Variants in RAB11FIP4 observed in about 807,000 individuals in gnomAD.
The protein encoded by RAB11FIP4 is RAB11 family interacting protein 4.
A neutral mutation model predicts 74.3 loss-of-function variants in RAB11FIP4; 23 were observed. That is an observed-to-expected ratio of 0.31 (90% CI 0.22 to 0.44). RAB11FIP4 has a LOEUF of 0.44. Ranked by LOEUF, RAB11FIP4 falls within the 20% of genes least tolerant of loss-of-function variation. RAB11FIP4 has a pLI of 1.00. For missense variants in RAB11FIP4, 630 were observed against 863.9 expected (o/e 0.73, Z 3.39); for synonymous variants, 360 against 359.9 (o/e 1.00, Z 0.00).
intron 2 of RAB11FIP4, among the ~76,000 whole-genome samples, chr17:31,432,519 C>T (rs1157670460): frequency 6.6e-6 from 1 of 152,106 alleles, no homozygotes; most frequent in African/African-American, 2.4e-5. Flanking sequence ...ACCACCATGC[C>T]TGGCTAATTT....
chr17:31,528,848 G>A lies in RAB11FIP4; in HGVS notation c.1653+70G>A, dbSNP rs1003890483. The stretch of plus-strand genomic sequence containing the variant: ...CCCACCACGTGGGTTTCCTGTGCAG[G>A]ATCTGTGGTAGGGGAGCCCAGAGCT... On this transcript the variant is annotated intron_variant, in intron 13 of 14. Coordinates refer to ENST00000621161, the MANE Select transcript of RAB11FIP4 (RefSeq NM_032932.6). The A allele has an allele frequency of 9.2e-6, 14 of 1,520,736 alleles. No individual in the cohort carries two copies. In the Admixed American group the frequency reaches 1.8e-4, roughly 20 times the overall value. 94.2% of individuals were successfully genotyped at this position (1,520,736 alleles called of 1,614,324 possible).
Position 31,501,664 on chromosome 17 carries a change from G to A in RAB11FIP4, c.337-15987G>A, listed in dbSNP as rs556719026. On this transcript the variant is annotated intron_variant, in intron 3 of 14. Coordinates refer to ENST00000621161, the MANE Select transcript of RAB11FIP4 (RefSeq NM_032932.6). ...CTGCCTCAGCCTCCCAAGTAGCTGG[G>A]ACTACAGGCGCCCGCCACCACGCCC... 406 of 153,882 alleles carry A rather than the reference G, an allele frequency of 2.6e-3. 2 individuals are homozygous for A. Among genetic ancestry groups the A allele is most frequent in the African/African-American group, 9.0e-3 (376 of 41,552 alleles). 9.5% of individuals were successfully genotyped at this position (153,882 alleles called of 1,614,324 possible). A position where few individuals can be genotyped will look rare whatever the true frequency, so the allele number is the denominator to read the frequency against.
At chr17:31,428,160 G>C (rs1052068297) in intron 1 of RAB11FIP4, among the ~76,000 whole-genome samples, 1 of 152,230 alleles carries the variant, frequency 6.6e-6, no homozygotes, top group African/African-American at 2.4e-5. Flanking sequence ...GATGGTTAGG[G>C]TGGGGCCTCT....
In RAB11FIP4 at chr17:31,504,227, T is replaced by C. The variant is rs1286697503; in HGVS notation, c.337-13424T>C. Among the ~76,000 whole-genome samples the C allele has an allele frequency of 3.4e-5, 5 of 147,898 alleles. 1 individual carries two copies. The highest frequency in any genetic ancestry group is 1.1e-4 in the African/African-American group (4 of 37,596). ...CTCACTGCAAGCTCTGCCTCCTGGG[T>C]TCACGCCATTCCCCTGCCACAGCCT... On this transcript the variant is annotated intron_variant, in intron 3 of 14. Coordinates refer to ENST00000621161, the MANE Select transcript of RAB11FIP4 (RefSeq NM_032932.6).
At chr17:31,517,315 GT>G (rs1193069682) in intron 3 of RAB11FIP4, among the ~76,000 whole-genome samples, 2 of 151,710 alleles carry the variant, frequency 1.3e-5, no homozygotes, top group Non-Finnish European at 2.9e-5. Flanking sequence ...TCAGCCTTAT[GT>G]TCCCTGCCTC....
intron 5 of RAB11FIP4, 54 bp from the exon 6 acceptor site, chr17:31,521,861 G>T: frequency 6.2e-7 from 1 of 1,607,294 alleles, no homozygotes; most frequent in South Asian, 1.1e-5. Context: ...GGGTGGTGTA[G>T]GGCACCAGAC....
At chr17:31,462,001 C>T (rs539837915) in intron 3 of RAB11FIP4, among the ~76,000 whole-genome samples, 3 of 152,212 alleles carry the variant, frequency 2.0e-5, no homozygotes, top group East Asian at 3.9e-4. Flanking sequence ...GTGGCTCATG[C>T]CTGTAATCCC....
At chr17:31,392,212 C>T in intron 1 of RAB11FIP4, 1 of 378,156 alleles carries the variant, frequency 2.6e-6, no homozygotes, top group Non-Finnish European at 4.6e-6. Context: ...CCCCCCGGCG[C>T]CCGTGCCCCG....
At chr17:31,414,067 C>T (rs1202365396) in intron 1 of RAB11FIP4, among the ~76,000 whole-genome samples, 1 of 152,192 alleles carries the variant, frequency 6.6e-6, no homozygotes, top group Non-Finnish European at 1.5e-5. Flanking sequence ...CTTGATATGC[C>T]ATCCCCTCTC....
In RAB11FIP4 at chr17:31,512,622, G is replaced by A. The variant is rs2072472484; in HGVS notation, c.337-5029G>A. Reference sequence around the variant, plus strand: ...AGGGTACAGGGAGCTGTGAGCTCAGGGCTGGCTCTGGGTCTTGAGGGACAG... The same window carrying A: ...AGGGTACAGGGAGCTGTGAGCTCAGAGCTGGCTCTGGGTCTTGAGGGACAG... On this transcript the variant is annotated intron_variant, in intron 3 of 14. Coordinates refer to ENST00000621161, the MANE Select transcript of RAB11FIP4 (RefSeq NM_032932.6). This position sits in a 1 kb window ranked among gnomAD's most constrained non-coding sequence, Gnocchi z 4.1. Among the ~76,000 whole-genome samples the A allele has an allele frequency of 6.6e-6, 1 of 152,160 alleles. No homozygotes were observed. Among genetic ancestry groups the A allele is most frequent in the Admixed American group, 6.5e-5 (1 of 15,284 alleles).
intron 1 of RAB11FIP4, among the ~76,000 whole-genome samples, chr17:31,405,714 T>C (rs1403561075): frequency 6.6e-6 from 1 of 152,242 alleles, no homozygotes; most frequent in Admixed American, 6.5e-5. Context: ...GAAATTTAAA[T>C]TACTTTATAC....
chr17:31,432,179 C>T (rs562948300), intron 2 of RAB11FIP4, among the ~76,000 whole-genome samples: 3 of 152,142 alleles, frequency 2.0e-5, no homozygotes, highest in African/African-American at 4.8e-5. Flanking sequence ...CTTTTCTGTC[C>T]TCTTCCTCTC....
chr17:31,454,975 G>C (rs763191654), intron 3 of RAB11FIP4, among the ~76,000 whole-genome samples: 1 of 152,196 alleles, frequency 6.6e-6, no homozygotes. Flanking sequence ...GAACAGGCAG[G>C]AAGAGGACTG....
Position 31,528,719 on chromosome 17 carries a change from G to A in RAB11FIP4, c.1594G>A (p.Glu532Lys), listed in dbSNP as rs367647014. The stretch of plus-strand genomic sequence containing the variant: ...CCGCAGTGCCTCCTCTGGCCTAGGC[G>A]AGTTCAATGCCAGGGCCCGCGAGGT... ...RGRSASSGLGEFNARAREVEL... is the reference protein window; with the variant it reads ...RGRSASSGLGKFNARAREVEL... Residue 532 changes from glutamate to lysine, a missense_variant, in exon 13 of 15, where the codon GAG becomes AAG. Coordinates refer to ENST00000621161, the MANE Select transcript of RAB11FIP4 (RefSeq NM_032932.6). 10 of 1,611,960 alleles carry A rather than the reference G, an allele frequency of 6.2e-6. No homozygotes were observed. Among genetic ancestry groups the A allele is most frequent in the Admixed American group, 1.7e-5 (1 of 59,920 alleles).
intron 3 of RAB11FIP4, among the ~76,000 whole-genome samples, chr17:31,454,811 G>A (rs908911028): frequency 6.6e-6 from 1 of 152,130 alleles, no homozygotes; most frequent in African/African-American, 2.4e-5. Context: ...TTGAACCCAG[G>A]AGGCAGAGGT....
intron 3 of RAB11FIP4, among the ~76,000 whole-genome samples, chr17:31,490,582 G>A (rs1401514702): frequency 6.6e-6 from 1 of 151,904 alleles, no homozygotes; most frequent in Non-Finnish European, 1.5e-5. Flanking sequence ...TTGAGACAGG[G>A]TCTTGCTCTA....
In RAB11FIP4 at chr17:31,533,248, A is replaced by T. The variant is rs943091584; in HGVS notation, c.*1516A>T. On this transcript the variant is annotated 3_prime_UTR_variant, in exon 15 of 15. Coordinates refer to ENST00000621161, the MANE Select transcript of RAB11FIP4 (RefSeq NM_032932.6). ...GTGGCCAGGACCAACCTTCAATTCCATTCCAATCAGCCTTTGCATTTGTTG... is the reference window on the plus strand; with the variant it reads ...GTGGCCAGGACCAACCTTCAATTCCTTTCCAATCAGCCTTTGCATTTGTTG... The T allele has an allele frequency of 1.3e-5, 2 of 152,210 alleles. No individual in the cohort carries two copies. Among genetic ancestry groups the T allele is most frequent in the Admixed American group, 6.6e-5 (1 of 15,266 alleles). 9.4% of individuals were successfully genotyped at this position (152,210 alleles called of 1,614,324 possible).
chr17:31,499,068 T>G (rs1027499624), intron 3 of RAB11FIP4, among the ~76,000 whole-genome samples: 1 of 152,200 alleles, frequency 6.6e-6, no homozygotes, highest in African/African-American at 2.4e-5. Flanking sequence ...AGCACGTTAC[T>G]TCGCTTTTGA....
At chr17:31,484,673 G>T (rs187652465) in intron 3 of RAB11FIP4, among the ~76,000 whole-genome samples, 1 of 151,894 alleles carries the variant, frequency 6.6e-6, no homozygotes, top group East Asian at 1.9e-4. Flanking sequence ...CTGCTGGAAA[G>T]TGTTAGCCCT....
Sources: gnomAD v4.1 joint callset for allele counts (sites outside exome capture counted in the v4.1 genomes callset) on GRCh38, gnomAD v4.1.1 for gene constraint, Gnocchi (gnomAD v3.1) non-coding constraint, MANE v1.5 for transcripts, NCBI Gene and HGNC (gene_info 2026-07-23, HGNC 2026-07-21) for gene names.